The following PDZRN4 variants were observed in gnomAD, a reference collection of about 807,000 sequenced individuals.
PDZRN4 encodes PDZ domain containing ring finger 4, also known as PDZ domain-containing RING finger protein 4.
Under a neutral mutation model 99.0 loss-of-function variants are expected in PDZRN4, and 70 were observed. The ratio of observed to expected loss-of-function variants is 0.71; its 90% CI spans 0.58 to 0.86. The LOEUF is 0.86. PDZRN4 is among the 40% of genes least tolerant of loss of function. PDZRN4 has a pLI of 0.00. For missense variants in PDZRN4, 1,474 were observed against 1,331.2 expected (o/e 1.11, Z -1.67); for synonymous variants, 551 against 501.6 (o/e 1.10, Z -1.32).
At chr12:41,487,437 C>A (rs777221806) in intron 3 of PDZRN4, among the ~76,000 whole-genome samples, 7 of 152,102 alleles carry the variant, frequency 4.6e-5, no homozygotes, top group Non-Finnish European at 7.4e-5. Flanking sequence ...TAACTGTTAG[C>A]TTTGAGTTTT....
chr12:41,573,592 G>A lies in PDZRN4; in HGVS notation c.2813G>A (p.Gly938Glu). The A allele has an allele frequency of 6.2e-7, 1 of 1,613,392 alleles. No individual in the cohort carries two copies. Among genetic ancestry groups the A allele is most frequent in the Non-Finnish European group, 8.5e-7 (1 of 1,179,818 alleles). ...DDDTMSEMKM[G>E]RYWSKEERKQ... The stretch of plus-strand genomic sequence containing the variant: ...GACACCATGAGCGAGATGAAAATGG[G>A]GCGCTACTGGAGCAAAGAGGAGAGA... Residue 938 changes from glycine to glutamate, a missense_variant, in exon 10 of 10, where the codon GGG becomes GAG. Transcript: ENST00000402685.
intron 3 of PDZRN4, among the ~76,000 whole-genome samples, chr12:41,427,075 A>G (rs146237027): frequency 5.3e-5 from 8 of 152,162 alleles, no homozygotes; most frequent in East Asian, 1.9e-4. Flanking sequence ...TGGATGGTCC[A>G]TGTCTTAGCC....
At chr12:41,362,241 C>A (rs1306697590) in intron 3 of PDZRN4, among the ~76,000 whole-genome samples, 1 of 151,964 alleles carries the variant, frequency 6.6e-6, no homozygotes, top group Non-Finnish European at 1.5e-5. Context: ...CCTCCACCCA[C>A]CCTTGCTTGC....
chr12:41,296,206 G>C (rs1445222593), intron 3 of PDZRN4, among the ~76,000 whole-genome samples: 3 of 152,120 alleles, frequency 2.0e-5, no homozygotes, highest in Admixed American at 2.0e-4. Flanking sequence ...AAACAAGTGG[G>C]ATCAAGATTC....
intron 3 of PDZRN4, among the ~76,000 whole-genome samples, chr12:41,414,666 A>C (rs573986273): frequency 6.6e-6 from 1 of 152,226 alleles, no homozygotes; most frequent in East Asian, 1.9e-4. Context: ...AAACCTAAAA[A>C]CTAAAAAGAG....
At chr12:41,369,160 A>G (rs1056024565) in intron 3 of PDZRN4, among the ~76,000 whole-genome samples, 1 of 152,108 alleles carries the variant, frequency 6.6e-6, no homozygotes, top group Admixed American at 6.6e-5. Context: ...TATCTTTATT[A>G]TAGCTTATTA....
chr12:41,405,931 A>G lies in PDZRN4; in HGVS notation c.844-100525A>G, dbSNP rs558267660. On this transcript the variant is annotated intron_variant, in intron 3 of 9. Coordinates refer to ENST00000402685, the MANE Select transcript of PDZRN4 (RefSeq NM_001164595.2). ...GTGAACATAAATGTTGGAACAATAG[A>G]CACTGCAGAATACTACAGCAGGGTG... Among the ~76,000 whole-genome samples the G allele has an allele frequency of 9.9e-5, 15 of 151,954 alleles. No homozygotes were observed. The South Asian group carries it at 3.1e-3, about 32-fold the overall frequency.
chr12:41,519,930 C>A (rs1361550803), intron 5 of PDZRN4, among the ~76,000 whole-genome samples: 1 of 152,072 alleles, frequency 6.6e-6, no homozygotes, highest in East Asian at 1.9e-4. Context: ...CACTTCCCCC[C>A]ATCTGCCTCT....
intron 3 of PDZRN4, among the ~76,000 whole-genome samples, chr12:41,318,943 G>A (rs569981529): frequency 1.3e-5 from 2 of 152,236 alleles, no homozygotes; most frequent in African/African-American, 4.8e-5. Context: ...ATCATGTAAA[G>A]TTCCTTGTAC....
chr12:41,459,823 A>C, intron 3 of PDZRN4: 1 of 559,512 alleles, frequency 1.8e-6, no homozygotes, highest in South Asian at 2.0e-5. Context: ...GCCCTGCATC[A>C]TGTACATTCA....
intron 3 of PDZRN4, among the ~76,000 whole-genome samples, chr12:41,232,516 T>C (rs1447913267): frequency 1.3e-5 from 2 of 152,126 alleles, no homozygotes; most frequent in Non-Finnish European, 1.5e-5. Flanking sequence ...TATCCTTACA[T>C]GTTTAGCACA....
chr12:41,296,025 A>G (rs1951491443), intron 3 of PDZRN4, among the ~76,000 whole-genome samples: 1 of 152,170 alleles, frequency 6.6e-6, no homozygotes, highest in African/African-American at 2.4e-5. Context: ...ATAATTGAAA[A>G]GGATCTATGG....
Position 41,188,917 on chromosome 12 carries a change from G to A in PDZRN4, c.462G>A (p.Trp154Ter). The A allele has an allele frequency of 8.6e-7, 1 of 1,159,648 alleles. No homozygotes were observed. Among genetic ancestry groups the A allele is most frequent in the Non-Finnish European group, 1.1e-6 (1 of 943,332 alleles). 71.8% of individuals were successfully genotyped at this position (1,159,648 alleles called of 1,614,324 possible). ...GARGGPPGGRWGRGRGPGPRV... is the reference protein window; with the variant it reads ...GARGGPPGGR Reference sequence around the variant, plus strand: ...GCGGGGGGCCGCCGGGCGGCCGCTGGGGCCGCGGGCGGGGACCCGGGCCTC... The same window carrying A: ...GCGGGGGGCCGCCGGGCGGCCGCTGAGGCCGCGGGCGGGGACCCGGGCCTC... The change falls in exon 1 of 10, where the codon TGG becomes TGA. Residue 154 changes from tryptophan (W) to a stop codon, truncating the protein, a stop_gained. Transcript: ENST00000402685. LOFTEE classifies it high-confidence loss of function.
intron 3 of PDZRN4, among the ~76,000 whole-genome samples, chr12:41,252,326 A>AAT (rs2120811342): frequency 6.6e-6 from 1 of 152,292 alleles, no homozygotes; most frequent in South Asian, 2.1e-4. Context: ...CAAACAGGTA[A>AAT]ATGTTCATAC....
intron 3 of PDZRN4, among the ~76,000 whole-genome samples, chr12:41,333,020 T>C (rs1218959524): frequency 1.3e-5 from 2 of 152,106 alleles, no homozygotes; most frequent in Admixed American, 6.6e-5. Context: ...TTAAGAATCT[T>C]TGCCAAAGTC....
intron 3 of PDZRN4, among the ~76,000 whole-genome samples, chr12:41,347,186 T>C (rs1951859959): frequency 6.6e-6 from 1 of 152,150 alleles, no homozygotes; most frequent in African/African-American, 2.4e-5. Context: ...TGCTGGGTCC[T>C]GAGGTTAAAC....
At chr12:41,549,794 C>G (rs1939021593) in intron 5 of PDZRN4, among the ~76,000 whole-genome samples, 1 of 152,172 alleles carries the variant, frequency 6.6e-6, no homozygotes, top group South Asian at 2.1e-4. Flanking sequence ...GAAAATCACA[C>G]TGAATGCCAG....
At chr12:41,424,863 G>A (rs1343709916) in intron 3 of PDZRN4, among the ~76,000 whole-genome samples, 1 of 152,110 alleles carries the variant, frequency 6.6e-6, no homozygotes, top group Admixed American at 6.6e-5. Context: ...GCAGATGTAA[G>A]AGGCCAGGCC....
chr12:41,314,830 G>GT (rs895882680), intron 3 of PDZRN4, among the ~76,000 whole-genome samples: 2 of 151,150 alleles, frequency 1.3e-5, no homozygotes, highest in Admixed American at 1.3e-4. Flanking sequence ...TCTTTTTCAA[G>GT]TTTTTTTCAA....
Sources: gnomAD v4.1 joint callset for allele counts (sites outside exome capture counted in the v4.1 genomes callset) on GRCh38, gnomAD v4.1.1 for gene constraint, MANE v1.5 for transcripts, NCBI Gene and HGNC (gene_info 2026-07-23, HGNC 2026-07-21) for gene names.